Variants in CSMD1 observed in about 807,000 individuals in gnomAD.
The protein encoded by CSMD1 is CUB and sushi domain-containing protein 1.
Under a neutral mutation model 417.5 loss-of-function variants are expected in CSMD1, and 213 were observed. That is an observed-to-expected ratio of 0.51 (90% CI 0.46 to 0.57). The LOEUF is 0.57. Ranked by LOEUF, CSMD1 falls within the 20% of genes least tolerant of loss-of-function variation. CSMD1 has a pLI of 0.00. For missense variants in CSMD1, 6,923 were observed against 4,529.7 expected (o/e 1.53, Z -15.17); for synonymous variants, 2,862 against 1,736.8 (o/e 1.65, Z -16.11).
At chr8:3,307,373 T>TCACGCAGATCAGAACAGC (rs1388455324) in intron 25 of CSMD1, among the ~76,000 whole-genome samples, 6 of 151,610 alleles carry the variant, frequency 4.0e-5, no homozygotes, top group Non-Finnish European at 7.4e-5. Flanking sequence ...CCAGGCAGTC[T>TCACGCAGATCAGAACAGC]CACGCAGATC....
intron 1 of CSMD1, among the ~76,000 whole-genome samples, chr8:4,810,067 A>C (rs1798808969): frequency 6.6e-6 from 1 of 152,242 alleles, no homozygotes; most frequent in Admixed American, 6.5e-5. Flanking sequence ...ATACCAGTTA[A>C]AGTTAGCTCA....
intron 3 of CSMD1, among the ~76,000 whole-genome samples, chr8:4,114,631 C>A (rs1287248846): frequency 1.3e-5 from 2 of 152,206 alleles, no homozygotes; most frequent in Non-Finnish European, 2.9e-5. Flanking sequence ...ATTGAAAAAC[C>A]TTCTGGAAAG....
intron 3 of CSMD1, among the ~76,000 whole-genome samples, chr8:4,052,994 A>G (rs1798510877): frequency 6.6e-6 from 1 of 152,160 alleles, no homozygotes; most frequent in African/African-American, 2.4e-5. Context: ...ACTCTCAGCT[A>G]AAGAAGTGGC....
intron 3 of CSMD1, among the ~76,000 whole-genome samples, chr8:4,394,880 A>G (rs139147198): frequency 1.2e-3 from 178 of 152,216 alleles, no homozygotes; most frequent in African/African-American, 4.1e-3. Context: ...AACCTTGTCT[A>G]CACGTCTGTT....
At chr8:3,878,050 A>G (rs921887613) in intron 5 of CSMD1, among the ~76,000 whole-genome samples, 4 of 152,122 alleles carry the variant, frequency 2.6e-5, no homozygotes, top group African/African-American at 7.2e-5. Context: ...ATCTAATTAC[A>G]TATTCATGCT....
intron 25 of CSMD1, among the ~76,000 whole-genome samples, chr8:3,298,941 T>A (rs1414236777): frequency 6.6e-6 from 1 of 152,182 alleles, no homozygotes. Context: ...ATGGCAGTTT[T>A]TATGCTATAT....
In CSMD1 at chr8:3,087,252, T is replaced by C; in HGVS notation, c.7319A>G (p.Asn2440Ser). 6.2e-7 allele frequency: 1 copy of C among 1,613,938 alleles called. No individual in the cohort carries two copies. Among genetic ancestry groups the C allele is most frequent in the Non-Finnish European group, 8.5e-7 (1 of 1,179,864 alleles). The change falls in exon 49 of 70, where the codon AAT becomes AGT. Residue 2440 changes from asparagine to serine, a missense_variant. Asn to Ser is a conservative substitution (Grantham distance 46). Coordinates refer to ENST00000635120, the MANE Select transcript of CSMD1 (RefSeq NM_033225.6). ...TGCAGTCCTGTTTAGAATACCCCCA[T>C]TCTTCAGGGGGTGGGTCAAACTGCA... The part of the protein sequence containing the change: ...PYCSLTHPLK[N>S]GGILNRTAGA...
intron 7 of CSMD1, among the ~76,000 whole-genome samples, chr8:3,692,564 A>G (rs1298642510): frequency 1.3e-5 from 2 of 151,988 alleles, no homozygotes; most frequent in African/African-American, 2.4e-5. Context: ...CCTCCCGAGC[A>G]TCTGGGATAA....
intron 2 of CSMD1, among the ~76,000 whole-genome samples, chr8:4,431,537 C>T (rs1797872754): frequency 1.3e-5 from 2 of 152,016 alleles, no homozygotes; most frequent in South Asian, 4.2e-4. Context: ...AACACCCGAC[C>T]CTGATAATCT....
At chr8:4,139,571 G>A (rs1330016195) in intron 3 of CSMD1, among the ~76,000 whole-genome samples, 1 of 151,306 alleles carries the variant, frequency 6.6e-6, no homozygotes, top group South Asian at 2.1e-4. Flanking sequence ...AGCTCCCTGA[G>A]CTGCCTATGG....
intron 1 of CSMD1, among the ~76,000 whole-genome samples, chr8:4,878,412 A>G (rs1040514718): frequency 4.6e-5 from 7 of 152,078 alleles, no homozygotes; most frequent in African/African-American, 1.7e-4. Flanking sequence ...TGTAGAAAGT[A>G]TTAGTAATAT....
chr8:3,733,263 T>TACAC (rs71515678), intron 6 of CSMD1, among the ~76,000 whole-genome samples: 1 of 138,156 alleles, frequency 7.2e-6, no homozygotes, highest in African/African-American at 2.6e-5. Flanking sequence ...TATATACACA[T>TACAC]ACACATATTT....
At chr8:4,657,509 C>T (rs1804311165) in intron 1 of CSMD1, among the ~76,000 whole-genome samples, 1 of 152,024 alleles carries the variant, frequency 6.6e-6, no homozygotes, top group South Asian at 2.1e-4. Flanking sequence ...GGGACAAAGG[C>T]TTCAAAGAAC....
At chr8:3,532,580 T>G (rs1169385948) in intron 10 of CSMD1, among the ~76,000 whole-genome samples, 1 of 152,172 alleles carries the variant, frequency 6.6e-6, no homozygotes, top group Non-Finnish European at 1.5e-5. Context: ...ATTTGATGAG[T>G]GATTGCATTC....
intron 1 of CSMD1, among the ~76,000 whole-genome samples, chr8:4,786,765 T>C (rs989007145): frequency 2.0e-5 from 3 of 152,170 alleles, no homozygotes; most frequent in African/African-American, 4.8e-5. Flanking sequence ...CATGTTTCTT[T>C]TGCCTCAAAC....
chr8:3,683,017 A>G (rs980292159), intron 7 of CSMD1, among the ~76,000 whole-genome samples: 3 of 152,102 alleles, frequency 2.0e-5, no homozygotes, highest in Non-Finnish European at 2.9e-5. Flanking sequence ...GGACACAGGA[A>G]GGGGAACATC....
chr8:3,752,224 G>C (rs1387134290), intron 6 of CSMD1, among the ~76,000 whole-genome samples: 2 of 151,048 alleles, frequency 1.3e-5, no homozygotes, highest in Non-Finnish European at 3.0e-5. Context: ...CTGGCTCCAG[G>C]TGAAGGGAAA....
intron 1 of CSMD1, among the ~76,000 whole-genome samples, chr8:4,756,426 T>C (rs931212595): frequency 6.6e-6 from 1 of 152,206 alleles, no homozygotes. Flanking sequence ...GAGTTCATCA[T>C]GACAGTCCAG....
At chr8:4,831,581 A>G (rs751806011) in intron 1 of CSMD1, among the ~76,000 whole-genome samples, 61 of 152,124 alleles carry the variant, frequency 4.0e-4, no homozygotes, top group Middle Eastern at 3.4e-3. Context: ...ACAAAATGTC[A>G]TGCCAAGGTT....
Sources: gnomAD v4.1 joint callset for allele counts (sites outside exome capture counted in the v4.1 genomes callset) on GRCh38, gnomAD v4.1.1 for gene constraint, MANE v1.5 for transcripts, NCBI Gene and HGNC (gene_info 2026-07-23, HGNC 2026-07-21) for gene names.